The following TRPC4AP variants were observed in gnomAD, a reference collection of about 807,000 sequenced individuals.
TRPC4AP encodes transient receptor potential cation channel subfamily C member 4 associated protein.
TRPC4AP carries 45 observed loss-of-function variants against 99.0 expected under a neutral mutation model. The observed-to-expected ratio is 0.45, with a 90% confidence interval of 0.36 to 0.58. TRPC4AP has a LOEUF of 0.58. TRPC4AP is among the 20% of genes least tolerant of loss of function. TRPC4AP has a pLI of 0.00. For missense variants in TRPC4AP, 879 were observed against 985.3 expected (o/e 0.89, Z 1.44); for synonymous variants, 408 against 385.8 (o/e 1.06, Z -0.67).
At chr20:35,032,183 G>A (rs1282241851) in intron 8 of TRPC4AP, among the ~76,000 whole-genome samples, 1 of 150,666 alleles carries the variant, frequency 6.6e-6, no homozygotes, top group African/African-American at 2.4e-5. Context: ...CACCACCATG[G>A]CCATCTAACC....
At position 35,092,172 on chromosome 20, in the gene TRPC4AP, G is replaced by A. The variant is rs957408845; in HGVS notation, c.168+442C>T. Among the ~76,000 whole-genome samples, 4 of 152,166 alleles carry A rather than the reference G, an allele frequency of 2.6e-5. 1 individual carries two copies. The highest frequency in any genetic ancestry group is 5.9e-5 in the Non-Finnish European group (4 of 68,024). On this transcript the variant is annotated intron_variant, in intron 1 of 18. Coordinates refer to ENST00000252015, the MANE Select transcript of TRPC4AP (RefSeq NM_015638.3). ...ACTTTAGAAAGGGGAAGGAAAGAGT[G>A]TCAAGGAAAGGCCTGAGAAAATGAC... is the stretch of plus-strand genomic sequence containing the variant.
intron 7 of TRPC4AP, among the ~76,000 whole-genome samples, chr20:35,037,458 T>C (rs754861551): frequency 6.6e-6 from 1 of 152,026 alleles, no homozygotes; most frequent in Non-Finnish European, 1.5e-5. Context: ...CACAAATATG[T>C]GTACACACAT....
At chr20:35,075,420 G>A (rs554602811) in intron 2 of TRPC4AP, among the ~76,000 whole-genome samples, 142 of 152,224 alleles carry the variant, frequency 9.3e-4, no homozygotes, top group African/African-American at 3.0e-3. Context: ...CATGTTTAGC[G>A]CTTCCTTCAG....
At chr20:35,076,963 G>GTGGACACCCCTC in intron 2 of TRPC4AP, among the ~76,000 whole-genome samples, 1 of 152,270 alleles carries the variant, frequency 6.6e-6, no homozygotes, top group East Asian at 1.9e-4. Flanking sequence ...CTCAGCAGTT[G>GTGGACACCCCTC]TGGACACCCC....
chr20:35,089,184 T>C (rs1439561989), intron 1 of TRPC4AP, among the ~76,000 whole-genome samples: 1 of 151,986 alleles, frequency 6.6e-6, no homozygotes, highest in African/African-American at 2.4e-5. Flanking sequence ...TATACACTTA[T>C]AAATGGTTAA....
chr20:35,006,331 G>T (rs1396336858), intron 15 of TRPC4AP, 104 bp downstream of exon 15: 1 of 1,383,626 alleles, frequency 7.2e-7, no homozygotes, highest in Non-Finnish European at 1.0e-6. Context: ...AGACTCCCCC[G>T]TCGTCTCTAA....
chr20:35,084,512 GTA>G (rs144489126), intron 1 of TRPC4AP, among the ~76,000 whole-genome samples: 5,820 of 145,854 alleles, frequency 0.04, 480 homozygotes, highest in African/African-American at 0.14. Context: ...ATGTATATAC[GTA>G]TATATGTGTA....
At position 35,060,549 on chromosome 20, in the gene TRPC4AP, T is replaced by TGCATTCCA. The variant is rs547000231; in HGVS notation, c.415-2986_415-2979dup. On this transcript the variant is annotated intron_variant, in intron 3 of 18. Transcript: ENST00000252015. ...CTGCAGTGAGCTGTGATCACACCAC[T>TGCATTCCA]GCATTCCAGCCTGGGTGACAGAGAG... is the stretch of plus-strand genomic sequence containing the variant. Among the ~76,000 whole-genome samples, 579 of 125,390 alleles carry TGCATTCCA rather than the reference T, an allele frequency of 4.6e-3. 6 individuals carry two copies. Among genetic ancestry groups the TGCATTCCA allele is most frequent in the African/African-American group, 0.017 (561 of 32,182 alleles). 82.3% of individuals were successfully genotyped at this position (125,390 alleles called of 152,430 possible).
At chr20:35,073,768 A>C (rs548748673) in intron 2 of TRPC4AP, among the ~76,000 whole-genome samples, 15 of 152,314 alleles carry the variant, frequency 9.8e-5, no homozygotes, top group African/African-American at 3.4e-4. Context: ...TGGTATCAGG[A>C]TGATGCTGGC....
intron 1 of TRPC4AP, among the ~76,000 whole-genome samples, chr20:35,089,321 G>A (rs991160454): frequency 4.0e-5 from 6 of 151,898 alleles, no homozygotes; most frequent in African/African-American, 1.5e-4. Flanking sequence ...TGACTTGCCA[G>A]GCTCAAGCGA....
chr20:35,036,096 C>T (rs1257230005), intron 7 of TRPC4AP, among the ~76,000 whole-genome samples: 1 of 152,166 alleles, frequency 6.6e-6, no homozygotes, highest in African/African-American at 2.4e-5. Flanking sequence ...CCACCAATCT[C>T]ATTTTATTCA....
At chr20:35,016,744 T>C (rs1292018693) in intron 9 of TRPC4AP, among the ~76,000 whole-genome samples, 1 of 152,196 alleles carries the variant, frequency 6.6e-6, no homozygotes, top group East Asian at 1.9e-4. Context: ...AAATTCTGTA[T>C]GGCAAAACTC....
intron 5 of TRPC4AP, among the ~76,000 whole-genome samples, chr20:35,053,779 C>CT (rs1375665310): frequency 1.3e-5 from 2 of 152,198 alleles, no homozygotes; most frequent in African/African-American, 4.8e-5. Context: ...TCTTGATACA[C>CT]TGTGTTAAAC....
chr20:35,027,254 A>G (rs1308212079), intron 8 of TRPC4AP, among the ~76,000 whole-genome samples: 1 of 152,198 alleles, frequency 6.6e-6, no homozygotes, highest in Non-Finnish European at 1.5e-5. Context: ...TGTTTTTACC[A>G]TGAAAGGGTG....
At chr20:35,086,431 ATGTGTGTG>A (rs150231202) in intron 1 of TRPC4AP, among the ~76,000 whole-genome samples, 5,270 of 109,334 alleles carry the variant, frequency 0.048, 281 homozygotes, top group African/African-American at 0.093. Context: ...TGAATGGCAT[ATGTGTGTG>A]TGTGTGTGTG....
intron 5 of TRPC4AP, among the ~76,000 whole-genome samples, chr20:35,051,515 G>A (rs2083700117): frequency 6.6e-6 from 1 of 151,136 alleles, no homozygotes; most frequent in Non-Finnish European, 1.5e-5. Context: ...GATGTGCCAC[G>A]TATATAAATC....
chr20:35,036,387 A>C (rs1352927637), intron 7 of TRPC4AP, among the ~76,000 whole-genome samples: 1 of 152,228 alleles, frequency 6.6e-6, no homozygotes, highest in Non-Finnish European at 1.5e-5. Flanking sequence ...GTGGAACTGA[A>C]ACTTTTCAAT....
intron 16 of TRPC4AP, among the ~76,000 whole-genome samples, chr20:35,005,064 G>A (rs986978835): frequency 6.6e-6 from 1 of 152,140 alleles, no homozygotes; most frequent in African/African-American, 2.4e-5. Context: ...ACTGCTTCCC[G>A]CACAACTGGG....
intron 10 of TRPC4AP, among the ~76,000 whole-genome samples, chr20:35,015,183 T>C (rs1047701592): frequency 7.9e-5 from 12 of 152,214 alleles, no homozygotes; most frequent in African/African-American, 2.9e-4. Context: ...GTATTTTTAG[T>C]AGAGACGGGG....
Sources: allele counts gnomAD v4.1 joint callset (sites outside exome capture counted in the v4.1 genomes callset), GRCh38; gene constraint gnomAD v4.1.1; transcripts MANE v1.5; gene names NCBI Gene and HGNC (gene_info 2026-07-23, HGNC 2026-07-21).